FRY: variants seen among roughly 807,000 people sequenced by gnomAD.
FRY encodes the protein FRY microtubule binding protein, also known as protein furry homolog.
FRY carries 128 observed loss-of-function variants against 348.4 expected under a neutral mutation model. That is an observed-to-expected ratio of 0.37 (90% CI 0.32 to 0.43). FRY has a LOEUF of 0.43. Ranked by LOEUF, FRY falls within the 20% of genes least tolerant of loss-of-function variation. FRY has a pLI of 1.00. For synonymous variants in FRY, 1,370 were observed against 1,374.7 expected (o/e 1.00, Z 0.08); for missense variants, 2,736 against 3,695.2 (o/e 0.74, Z 6.73).
chr13:32,184,758 T>C, intron 25 of FRY, 67 bp downstream of exon 25: 3 of 1,070,660 alleles, frequency 2.8e-6, no homozygotes, highest in Non-Finnish European at 4.4e-6. Flanking sequence ...TCTTTCTGTC[T>C]CTCTCTTTTG....
chr13:32,218,018 A>T (rs1347143258), intron 35 of FRY, among the ~76,000 whole-genome samples: 2 of 152,164 alleles, frequency 1.3e-5, no homozygotes, highest in East Asian at 3.8e-4. Context: ...AAAGTCCAAG[A>T]TTTATTATAA....
At chr13:32,099,402 T>C (rs1205326955) in intron 2 of FRY, among the ~76,000 whole-genome samples, 1 of 151,838 alleles carries the variant, frequency 6.6e-6, no homozygotes, top group African/African-American at 2.4e-5. Context: ...CATAAAATGC[T>C]CTGCTGGAGG....
At chr13:32,066,181 C>G (rs757703701) in intron 1 of FRY, among the ~76,000 whole-genome samples, 4 of 152,124 alleles carry the variant, frequency 2.6e-5, no homozygotes, top group Non-Finnish European at 5.9e-5. Context: ...TTATCTCTTC[C>G]CTTGACCTGT....
chr13:32,083,513 T>C (rs1271691679), intron 2 of FRY, among the ~76,000 whole-genome samples: 5 of 152,158 alleles, frequency 3.3e-5, no homozygotes, highest in African/African-American at 9.7e-5. Flanking sequence ...AATTCTTTCA[T>C]TGAGCCTCTT....
At chr13:32,223,305 T>C (rs560000241) in intron 36 of FRY, among the ~76,000 whole-genome samples, 1 of 152,168 alleles carries the variant, frequency 6.6e-6, no homozygotes, top group Non-Finnish European at 1.5e-5. Flanking sequence ...AAAGCAAATT[T>C]TCATAGAGAT....
At chr13:32,160,873 C>A (rs1171836838) in intron 16 of FRY, among the ~76,000 whole-genome samples, 1 of 151,178 alleles carries the variant, frequency 6.6e-6, no homozygotes, top group Non-Finnish European at 1.5e-5. Context: ...CTGGACTAGA[C>A]CCAACTAAAG....
At chr13:32,273,285 A>C (rs1406232616) in intron 55 of FRY, among the ~76,000 whole-genome samples, 2 of 144,180 alleles carry the variant, frequency 1.4e-5, no homozygotes, top group Admixed American at 7.1e-5. Flanking sequence ...GCAGTGGCGC[A>C]ATCTCGGCTC....
chr13:32,156,256 G>A (rs747661352), intron 15 of FRY, among the ~76,000 whole-genome samples: 26 of 152,162 alleles, frequency 1.7e-4, no homozygotes, highest in Admixed American at 5.9e-4. Flanking sequence ...AAACACACAA[G>A]GAAATTTTTT....
intron 28 of FRY, among the ~76,000 whole-genome samples, chr13:32,191,934 A>C (rs937495693): frequency 5.3e-5 from 8 of 152,232 alleles, no homozygotes. Flanking sequence ...GGAAATGCAA[A>C]TAAAAGCCAC....
intron 57 of FRY, 121 bp downstream of exon 57, chr13:32,276,683 T>C (rs929597443): frequency 2.8e-6 from 2 of 725,254 alleles, no homozygotes; most frequent in Non-Finnish European, 5.1e-6. Flanking sequence ...TTTCCTTTGT[T>C]AAGGATTACA....
chr13:32,133,512 T>C (rs1272757900), intron 8 of FRY, among the ~76,000 whole-genome samples: 2 of 152,114 alleles, frequency 1.3e-5, no homozygotes, highest in East Asian at 1.9e-4. Flanking sequence ...TTATGCAAAA[T>C]AATGTAGCAA....
rs1885724523 is a variant in FRY at position 32,228,450 on chromosome 13, C to T, written c.5207-6C>T. ...ACATCCCTCCTTGACCTTCTTCTCC[C>T]ACCAGGTGGCTTTGACTTCCTGAGA... On this transcript the variant is annotated splice_region_variant and splice_polypyrimidine_tract_variant and intron_variant, in intron 39 of 60. Coordinates refer to ENST00000542859, the MANE Select transcript of FRY (RefSeq NM_023037.3). 2 of 1,610,578 alleles carry T rather than the reference C, an allele frequency of 1.2e-6. No individual in the cohort carries two copies.
intron 11 of FRY, among the ~76,000 whole-genome samples, chr13:32,137,826 G>A (rs891596714): frequency 4.6e-5 from 7 of 152,080 alleles, no homozygotes; most frequent in Admixed American, 2.0e-4. Context: ...GCTTATACAC[G>A]TTACCTTTTT....
intron 59 of FRY, among the ~76,000 whole-genome samples, chr13:32,294,120 C>T (rs947964696): frequency 1.5e-4 from 23 of 152,140 alleles, no homozygotes; most frequent in South Asian, 8.3e-4. Flanking sequence ...TTAAATAGAA[C>T]ACATTTTAAA....
At chr13:32,242,027 G>C (rs554674363) in intron 46 of FRY, among the ~76,000 whole-genome samples, 3 of 152,134 alleles carry the variant, frequency 2.0e-5, no homozygotes, top group Admixed American at 6.5e-5. Context: ...TTGGGGTAGC[G>C]CACAGAGTGC....
intron 17 of FRY, among the ~76,000 whole-genome samples, chr13:32,162,742 G>A (rs142881157): frequency 6.6e-6 from 1 of 152,232 alleles, no homozygotes; most frequent in East Asian, 1.9e-4. Flanking sequence ...ACCCAGCCCT[G>A]TAGTCTCTTT....
chr13:32,295,175 A>T, intron 60 of FRY, 27 bp from the exon 61 acceptor site: 3 of 1,611,764 alleles, frequency 1.9e-6, no homozygotes, highest in Non-Finnish European at 2.5e-6. Context: ...TAGTGCCTCT[A>T]ATCTGTGCTG....
intron 2 of FRY, among the ~76,000 whole-genome samples, chr13:32,087,326 T>C (rs1875946710): frequency 6.6e-6 from 1 of 152,192 alleles, no homozygotes; most frequent in African/African-American, 2.4e-5. Context: ...GGCAGTAACG[T>C]TGTTGACATA....
intron 8 of FRY, 83 bp downstream of exon 8, chr13:32,131,923 G>T: frequency 1.9e-6 from 2 of 1,059,014 alleles, no homozygotes; most frequent in Non-Finnish European, 3.0e-6. Context: ...AACATGAAAA[G>T]CCAATTACTT....
Sources: allele counts gnomAD v4.1 joint callset (sites outside exome capture counted in the v4.1 genomes callset), GRCh38; gene constraint gnomAD v4.1.1; transcripts MANE v1.5; gene names NCBI Gene and HGNC (gene_info 2026-07-23, HGNC 2026-07-21).